Variants in CNIH3 observed in about 807,000 individuals in gnomAD.
The protein encoded by CNIH3 is protein cornichon homolog 3.
In CNIH3, 14 loss-of-function variants were observed where a neutral mutation model predicts 24.1. The ratio of observed to expected loss-of-function variants is 0.58; its 90% CI spans 0.38 to 0.91. The LOEUF (loss-of-function observed/expected upper bound fraction) is 0.91, where lower values mean the gene tolerates loss of function less well. Ranked by LOEUF, CNIH3 falls within the 40% of genes least tolerant of loss-of-function variation. The pLI, the probability that CNIH3 is intolerant of heterozygous loss-of-function variation, is 0.00. For synonymous variants in CNIH3, 68 were observed against 73.8 expected (o/e 0.92, Z 0.40); for missense variants, 178 against 196.8 (o/e 0.90, Z 0.57).
At chr1:224,732,286 C>T (rs1440272806) in intron 4 of CNIH3, among the ~76,000 whole-genome samples, 1 of 152,078 alleles carries the variant, frequency 6.6e-6, no homozygotes, top group African/African-American at 2.4e-5. Flanking sequence ...CTCTAGGCTG[C>T]GTGGCCGGGA....
rs187723780 is a variant in CNIH3 at position 224,665,868 on chromosome 1, C to T, written c.82-15090C>T. On this transcript the variant is annotated intron_variant, in intron 1 of 5. Coordinates refer to ENST00000272133, the MANE Select transcript of CNIH3 (RefSeq NM_152495.2). ...CCCAAGGATTCTGTCTGTAGGTTCC[C>T]GAGGAGCCTAGTGTGCTAGGGATGC... is the stretch of plus-strand genomic sequence containing the variant. Among the ~76,000 whole-genome samples, 405 of 145,590 alleles carry T rather than the reference C, an allele frequency of 2.8e-3. 1 individual carries two copies. The Middle Eastern group carries it at 0.029, about 10-fold the overall frequency.
intron 2 of CNIH3, among the ~76,000 whole-genome samples, chr1:224,533,305 T>C (rs1679151219): frequency 6.6e-6 from 1 of 150,522 alleles, no homozygotes; most frequent in Non-Finnish European, 1.5e-5. Flanking sequence ...TATTCCTAGC[T>C]ACTTGGGAGG....
intron 3 of CNIH3, among the ~76,000 whole-genome samples, chr1:224,608,952 C>T (rs1682557213): frequency 6.6e-6 from 1 of 152,176 alleles, no homozygotes; most frequent in South Asian, 2.1e-4. Context: ...CGCCCAACTC[C>T]TGAAATCTTA....
At chr1:224,587,094 C>G (rs138178267) in intron 5 of CNIH3, 1 of 152,212 alleles carries the variant, frequency 6.6e-6, no homozygotes, top group East Asian at 1.9e-4. Flanking sequence ...CAGGACAGTG[C>G]TGGAGCTTTG....
At chr1:224,470,831 G>C (rs994096718) in intron 1 of CNIH3, among the ~76,000 whole-genome samples, 10 of 152,066 alleles carry the variant, frequency 6.6e-5, no homozygotes, top group Admixed American at 3.9e-4. Flanking sequence ...GGGGTACATA[G>C]TAGGTATGTA....
In CNIH3 at chr1:224,739,470, C is replaced by T. The variant is rs992800809; in HGVS notation, c.*114C>T. On this transcript the variant is annotated 3_prime_UTR_variant, in exon 6 of 6. Coordinates refer to ENST00000272133, the MANE Select transcript of CNIH3 (RefSeq NM_152495.2). The stretch of plus-strand genomic sequence containing the variant: ...AGAATGAGGATACGTGAGAAATAGA[C>T]CCGGCAGGCAGTCAGACTGAATGGG... The T allele has an allele frequency of 1.6e-5, 25 of 1,553,566 alleles. No homozygotes were observed. In the African/African-American group the frequency reaches 3.5e-4, roughly 22 times the overall value.
At chr1:224,611,461 A>C (rs1277518912), upstream of CNIH3, 1 of 152,228 alleles carries the variant, frequency 6.6e-6, no homozygotes, top group African/African-American at 2.4e-5. Context: ...TAGGAAGTTA[A>C]GGCCTGGTAG....
At chr1:224,557,573 C>A (rs1243099583) in intron 3 of CNIH3, among the ~76,000 whole-genome samples, 1 of 152,188 alleles carries the variant, frequency 6.6e-6, no homozygotes, top group African/African-American at 2.4e-5. Context: ...TCAGGTGATT[C>A]TCCTGCCTCA....
rs573632209 is a variant in CNIH3 at position 224,619,429 on chromosome 1, TGAAAA to T, written c.81+2178_81+2182del. ...GTGGCAAGATTCTTGTTTCTAATAATGAAAAGAATTTGTGCGTTTTGATTTCAAAT... is the reference window on the plus strand; with the variant it reads ...GTGGCAAGATTCTTGTTTCTAATAATGAATTTGTGCGTTTTGATTTCAAAT... On this transcript the variant is annotated intron_variant, in intron 1 of 5. Transcript: ENST00000272133. 3.0e-3 allele frequency among the ~76,000 whole-genome samples: 450 copies of T among 152,360 alleles called. 2 individuals carry two copies. The highest frequency in any genetic ancestry group is 0.01 in the African/African-American group (427 of 41,582).
chr1:224,603,368 C>T (rs892090140), intron 3 of CNIH3, among the ~76,000 whole-genome samples: 2 of 152,222 alleles, frequency 1.3e-5, no homozygotes, highest in African/African-American at 4.8e-5. Context: ...TTTTCTTTCA[C>T]AGGATCAATG....
chr1:224,549,419 T>C (rs1007661783), intron 3 of CNIH3, among the ~76,000 whole-genome samples: 7 of 152,116 alleles, frequency 4.6e-5, no homozygotes, highest in Admixed American at 2.6e-4. Context: ...ACACTGGATA[T>C]AATGGAAATA....
At chr1:224,692,951 C>T (rs879363) in intron 3 of CNIH3, among the ~76,000 whole-genome samples, 9,298 of 152,254 alleles carry the variant, frequency 0.061, 359 homozygotes, top group East Asian at 0.14. Context: ...ATGCTTGGCT[C>T]ACTGTTGATG....
Position 224,617,025 on chromosome 1 carries a change from G to C in CNIH3, c.-150G>C. ...ATCCAGCGCTTATTCGCTGACCCTC[G>C]AGTCGCTTCGCTAGCTGTGCGCCCT... On this transcript the variant is annotated 5_prime_UTR_variant, in exon 1 of 6. Coordinates refer to ENST00000272133, the MANE Select transcript of CNIH3 (RefSeq NM_152495.2). The C allele has an allele frequency of 4.9e-6, 7 of 1,421,900 alleles. No individual in the cohort carries two copies. The highest frequency in any genetic ancestry group is 6.4e-6 in the Non-Finnish European group (7 of 1,091,694). 88.1% of individuals were successfully genotyped at this position (1,421,900 alleles called of 1,614,324 possible).
chr1:224,484,287 G>A (rs533648966), intron 1 of CNIH3, among the ~76,000 whole-genome samples: 74 of 152,050 alleles, frequency 4.9e-4, no homozygotes, highest in African/African-American at 1.7e-3. Context: ...AAAATTAGCC[G>A]GGCGCGGTAG....
At chr1:224,642,836 C>T (rs753573147) in intron 1 of CNIH3, among the ~76,000 whole-genome samples, 2 of 152,168 alleles carry the variant, frequency 1.3e-5, no homozygotes, top group East Asian at 1.9e-4. Context: ...ATCTCTGCAT[C>T]GAAAGCATGG....
At chr1:224,632,675 C>T (rs998976639) in intron 1 of CNIH3, among the ~76,000 whole-genome samples, 2 of 151,942 alleles carry the variant, frequency 1.3e-5, no homozygotes, top group African/African-American at 4.8e-5. Context: ...TGGGAACTGG[C>T]CCAGATGCTG....
At chr1:224,700,669 T>G (rs2164461) in intron 3 of CNIH3, among the ~76,000 whole-genome samples, 147,601 of 152,254 alleles carry the variant, frequency 0.97, 71,698 homozygotes, top group East Asian at 1. Context: ...AGTCTGTGAA[T>G]ACTTTCTCCC....
At chr1:224,711,370 G>A (rs1325480871) in intron 3 of CNIH3, among the ~76,000 whole-genome samples, 1 of 150,900 alleles carries the variant, frequency 6.6e-6, no homozygotes, top group East Asian at 2.0e-4. Context: ...GCCCAAGCTG[G>A]AGTGTAGTCA....
chr1:224,628,190 A>T (rs1439656561), intron 1 of CNIH3, among the ~76,000 whole-genome samples: 3 of 152,108 alleles, frequency 2.0e-5, no homozygotes, highest in Admixed American at 6.5e-5. Context: ...TTCGCCGGCT[A>T]CCTGAGAGCA....
Sources: allele counts gnomAD v4.1 joint callset (sites outside exome capture counted in the v4.1 genomes callset), GRCh38; gene constraint gnomAD v4.1.1; transcripts MANE v1.5; gene names NCBI Gene and HGNC (gene_info 2026-07-23, HGNC 2026-07-21).